TMEM117: variants seen among roughly 807,000 people sequenced by gnomAD.
The protein encoded by TMEM117 is transmembrane protein 117.
A neutral mutation model predicts 52.4 loss-of-function variants in TMEM117; 27 were observed. The observed-to-expected ratio is 0.51, with a 90% CI of 0.38 to 0.71. TMEM117 has a LOEUF of 0.71. Among genes scored for constraint, TMEM117 ranks in the 30% least tolerant of loss-of-function variants. The probability of loss-of-function intolerance (pLI) is 0.00; values close to 1 mark genes in which losing one functional copy is unlikely to be tolerated. For missense variants in TMEM117, 556 were observed against 630.5 expected (o/e 0.88, Z 1.26); for synonymous variants, 215 against 206.3 (o/e 1.04, Z -0.36).
chr12:44,103,425 A>G (rs929817819), intron 3 of TMEM117, among the ~76,000 whole-genome samples: 3 of 151,946 alleles, frequency 2.0e-5, no homozygotes, highest in Non-Finnish European at 4.4e-5. Context: ...TGTAGGTTCA[A>G]TTTCTAACCC....
At chr12:43,998,211 C>T (rs1017908444) in intron 3 of TMEM117, among the ~76,000 whole-genome samples, 9 of 152,190 alleles carry the variant, frequency 5.9e-5, no homozygotes, top group African/African-American at 9.6e-5. Context: ...ACTTAAATTA[C>T]TGCTTGGGAA....
At chr12:44,004,407 G>A (rs1213312915) in intron 3 of TMEM117, among the ~76,000 whole-genome samples, 1 of 152,180 alleles carries the variant, frequency 6.6e-6, no homozygotes, top group Non-Finnish European at 1.5e-5. Flanking sequence ...TCTTTGGAAT[G>A]ATGGTATGCT....
chr12:44,133,643 A>G (rs990761746), intron 3 of TMEM117, among the ~76,000 whole-genome samples: 1 of 152,136 alleles, frequency 6.6e-6, no homozygotes, highest in Non-Finnish European at 1.5e-5. Flanking sequence ...AAACAAATTT[A>G]TGGGGCAATG....
At chr12:44,128,168 C>G (rs1948358214) in intron 3 of TMEM117, among the ~76,000 whole-genome samples, 1 of 152,220 alleles carries the variant, frequency 6.6e-6, no homozygotes, top group African/African-American at 2.4e-5. Context: ...CTGGGCATTC[C>G]AGCAGCAGCC....
chr12:44,033,386 C>T (rs2137875187), intron 3 of TMEM117, among the ~76,000 whole-genome samples: 1 of 152,252 alleles, frequency 6.6e-6, no homozygotes, highest in South Asian at 2.1e-4. Flanking sequence ...TTTATGGACT[C>T]ACTCTGAATT....
chr12:44,118,865 G>A (rs1396193378), intron 3 of TMEM117, among the ~76,000 whole-genome samples: 2 of 152,026 alleles, frequency 1.3e-5, no homozygotes, highest in Non-Finnish European at 2.9e-5. Flanking sequence ...TTGCATCTCT[G>A]GTTTAAAACA....
chr12:44,144,647 T>A (rs1362859666), intron 4 of TMEM117, among the ~76,000 whole-genome samples: 1 of 152,208 alleles, frequency 6.6e-6, no homozygotes, highest in African/African-American at 2.4e-5. Flanking sequence ...ACTGAGAACA[T>A]CCAGGAAGAG....
At chr12:43,834,954 C>T (rs1186762833), upstream of TMEM117, among the ~76,000 whole-genome samples, 1 of 152,210 alleles carries the variant, frequency 6.6e-6, no homozygotes, top group Non-Finnish European at 1.5e-5. Flanking sequence ...TCAGTTCTCC[C>T]TCTTGCCATC....
intron 4 of TMEM117, among the ~76,000 whole-genome samples, chr12:44,166,767 T>C (rs948207668): frequency 6.6e-6 from 1 of 152,352 alleles, no homozygotes; most frequent in South Asian, 2.1e-4. Context: ...CCTCTGTGAA[T>C]GGATAAGAGC....
At chr12:44,075,852 A>G (rs1483503185) in intron 3 of TMEM117, among the ~76,000 whole-genome samples, 3 of 152,190 alleles carry the variant, frequency 2.0e-5, no homozygotes, top group African/African-American at 7.2e-5. Flanking sequence ...GCCAGGTAGT[A>G]TCATATGAAG....
intron 2 of TMEM117, among the ~76,000 whole-genome samples, chr12:43,885,102 C>T (rs569125393): frequency 4.6e-5 from 7 of 152,316 alleles, no homozygotes; most frequent in Admixed American, 2.0e-4. Flanking sequence ...CCCGAGACAC[C>T]TATCCCATCC....
chr12:43,883,018 G>A (rs116916641), intron 2 of TMEM117, among the ~76,000 whole-genome samples: 1 of 152,120 alleles, frequency 6.6e-6, no homozygotes, highest in East Asian at 1.9e-4. Flanking sequence ...TTTTAAAATT[G>A]CAAAGTTCTT....
the TMEM117 span, among the ~76,000 whole-genome samples, chr12:44,395,803 T>G: frequency 6.6e-6 from 1 of 152,158 alleles, no homozygotes; most frequent in African/African-American, 2.4e-5. Context: ...GGAAGTGGCA[T>G]ATATCACTTC....
intron 3 of TMEM117, among the ~76,000 whole-genome samples, chr12:44,131,673 CTGA>C (rs1284704962): frequency 6.6e-6 from 1 of 151,962 alleles, no homozygotes; most frequent in African/African-American, 2.4e-5. Context: ...CTGTATCTTC[CTGA>C]TAAGTTGACC....
intron 7 of TMEM117, among the ~76,000 whole-genome samples, chr12:44,384,846 A>G (rs1245691811): frequency 6.6e-6 from 1 of 152,192 alleles, no homozygotes; most frequent in Non-Finnish European, 1.5e-5. Flanking sequence ...ATACCACCCT[A>G]CATTTTTGGC....
rs183669828 is a variant in TMEM117 at position 44,349,695 on chromosome 12, C to T, written c.769-26900C>T. On this transcript the variant is annotated intron_variant, in intron 6 of 7. Transcript: ENST00000266534. Reference sequence around the variant, plus strand: ...TTTCCCTGAGGGCTTAACCTGTCAACTTTTCCCAGTTTAGGAAAGTGCAGC... The same window carrying T: ...TTTCCCTGAGGGCTTAACCTGTCAATTTTTCCCAGTTTAGGAAAGTGCAGC... Among the ~76,000 whole-genome samples, 330 of 152,180 alleles carry T rather than the reference C, an allele frequency of 2.2e-3. 1 individual carries two copies. The highest frequency in any genetic ancestry group is 2.4e-3 in the Non-Finnish European group (161 of 67,942).
chr12:43,803,702 T>G, the TMEM117 span, among the ~76,000 whole-genome samples: 1 of 152,216 alleles, frequency 6.6e-6, no homozygotes, highest in East Asian at 1.9e-4. Flanking sequence ...ATACATATAT[T>G]CCTATTGAAT....
chr12:44,340,513 C>G (rs976282390), intron 6 of TMEM117, among the ~76,000 whole-genome samples: 6 of 152,110 alleles, frequency 3.9e-5, no homozygotes, highest in African/African-American at 1.4e-4. Flanking sequence ...TGGTGCCTGC[C>G]TGCTCTTTTC....
intron 5 of TMEM117, among the ~76,000 whole-genome samples, chr12:44,270,678 T>A (rs1470373931): frequency 4.6e-5 from 7 of 152,154 alleles, no homozygotes; most frequent in African/African-American, 1.7e-4. Flanking sequence ...AGAGTGGGCA[T>A]CCTTGTCATG....
Sources: allele counts gnomAD v4.1 joint callset (sites outside exome capture counted in the v4.1 genomes callset), GRCh38; gene constraint gnomAD v4.1.1; transcripts MANE v1.5; gene names NCBI Gene and HGNC (gene_info 2026-07-23, HGNC 2026-07-21).